Variants in CEMIP observed in about 807,000 individuals in gnomAD.
CEMIP encodes cell migration inducing hyaluronidase 1.
Under a neutral mutation model 156.9 loss-of-function variants are expected in CEMIP, and 105 were observed. The observed-to-expected ratio is 0.67, with a 90% CI of 0.57 to 0.79. CEMIP has a LOEUF of 0.79. Ranked by LOEUF, CEMIP falls within the 30% of genes least tolerant of loss-of-function variation. The pLI is 0.00. For missense variants in CEMIP, 1,457 were observed against 1,769.4 expected (o/e 0.82, Z 3.17); for synonymous variants, 676 against 668.4 (o/e 1.01, Z -0.17).
intron 29 of CEMIP, chr15:80,947,386 A>C (rs1596215757): frequency 2.9e-6 from 1 of 344,080 alleles, no homozygotes; most frequent in Non-Finnish European, 5.6e-6. Flanking sequence ...GCTTAGTCTC[A>C]CCCTCCTACC....
In CEMIP at chr15:80,906,547, T is replaced by A. The variant is rs1345499885; in HGVS notation, c.1412-116T>A. 3.9e-6 allele frequency: 4 copies of A among 1,015,916 alleles called. No individual in the cohort carries two copies. The highest frequency in any genetic ancestry group is 6.5e-4 in the Middle Eastern group (2 of 3,060). The allele number at this position is 1,015,916 out of a possible 1,614,324, so 62.9% of individuals were successfully genotyped here. A position where few individuals can be genotyped will look rare whatever the true frequency, so the allele number is the denominator to read the frequency against. On this transcript the variant is annotated intron_variant, in intron 12 of 29. Coordinates refer to ENST00000394685, the MANE Select transcript of CEMIP (RefSeq NM_001293298.2). The surrounding 1 kb of genome is among the most constrained non-coding windows in gnomAD (Gnocchi z 4.3). ...ATCCTTCTGTAACATGAGACCACTG[T>A]GCACACCAGGCATGGCGATGAGTAA...
At chr15:80,939,932 A>C (rs1901277414) in intron 25 of CEMIP, among the ~76,000 whole-genome samples, 1 of 152,180 alleles carries the variant, frequency 6.6e-6, no homozygotes, top group Non-Finnish European at 1.5e-5. Flanking sequence ...AGTCAGCTAA[A>C]AGGGAGGGGA....
chr15:80,830,166 G>T (rs377045060), intron 1 of CEMIP, among the ~76,000 whole-genome samples: 20 of 152,124 alleles, frequency 1.3e-4, no homozygotes, highest in African/African-American at 4.3e-4. Context: ...CTGATGGCTG[G>T]TCACTTTTAC....
At chr15:80,817,484 C>T (rs1159752356) in intron 1 of CEMIP, among the ~76,000 whole-genome samples, 3 of 151,760 alleles carry the variant, frequency 2.0e-5, no homozygotes, top group South Asian at 2.1e-4. Flanking sequence ...GCCTGTAGTC[C>T]CAGCTACTCA....
chr15:80,935,723 G>GTT (rs373495181), intron 23 of CEMIP, among the ~76,000 whole-genome samples: 4 of 151,812 alleles, frequency 2.6e-5, no homozygotes, highest in African/African-American at 9.7e-5. Context: ...AGGACATGGC[G>GTT]TTTTTTTTGT....
intron 23 of CEMIP, among the ~76,000 whole-genome samples, chr15:80,935,653 G>A (rs1027618538): frequency 6.6e-6 from 1 of 152,180 alleles, no homozygotes; most frequent in African/African-American, 2.4e-5. Flanking sequence ...TGGTGTGATT[G>A]TCTCTCTTGG....
intron 28 of CEMIP, chr15:80,946,505 G>A (rs1482920968): frequency 1.7e-5 from 3 of 178,400 alleles, no homozygotes; most frequent in Non-Finnish European, 3.6e-5. Context: ...GCTCCCCTCC[G>A]CCTTCCCGCA....
chr15:80,921,071 C>T lies in CEMIP; in HGVS notation c.2043C>T (p.Asn681=), dbSNP rs1434664138. The T allele has an allele frequency of 6.2e-7, 1 of 1,614,110 alleles. No homozygotes were observed. Among genetic ancestry groups the T allele is most frequent in the East Asian group, 2.2e-5 (1 of 44,894 alleles). Residue 681 remains asparagine, a synonymous_variant, in exon 16 of 30, where the codon AAC becomes AAT. Coordinates refer to ENST00000394685, the MANE Select transcript of CEMIP (RefSeq NM_001293298.2). ...STFWMANPNN[N]LINCAAAGSE... ...TCTGGATGGCCAATCCCAACAACAA[C>T]CTCATCAACTGTGCCGCTGCAGGAT...
intron 19 of CEMIP, among the ~76,000 whole-genome samples, chr15:80,926,823 G>GGC (rs1900694505): frequency 7.7e-6 from 1 of 129,556 alleles, no homozygotes; most frequent in East Asian, 2.5e-4. Flanking sequence ...AGCGGGTGGG[G>GGC]GGGGGGGGTC....
chr15:80,929,040 C>A lies in CEMIP; in HGVS notation c.2478C>A (p.Asp826Glu). 1 of 1,614,152 alleles carries A rather than the reference C, an allele frequency of 6.2e-7. No individual in the cohort carries two copies. The highest frequency in any genetic ancestry group is 2.2e-5 in the East Asian group (1 of 44,870). ...ACAGTGGTGGAACCTTCCCGTATGA[C>A]GACGGCTCCAAGCAAGAGATAAAGA... ...TLASGGTFPY[D>E]DGSKQEIKNS... Residue 826 changes from aspartate (D) to glutamate (E), a missense_variant, in exon 21 of 30, where the codon GAC (aspartate) becomes GAA (glutamate). Physicochemically the swap from Asp to Glu is conservative, Grantham distance 45. Coordinates refer to ENST00000394685, the MANE Select transcript of CEMIP (RefSeq NM_001293298.2).
Position 80,895,096 on chromosome 15 carries a change from G to A in CEMIP, c.1193G>A (p.Arg398His), listed in dbSNP as rs146211472. ...YDRGRACRSY[R>H]VRFLCGKPVR... Reference sequence around the variant, plus strand: ...CGGGGCAGAGCCTGCCGGAGCTACCGTGTACGGTTCCTCTGTGGGAAGCCT... The same window carrying A: ...CGGGGCAGAGCCTGCCGGAGCTACCATGTACGGTTCCTCTGTGGGAAGCCT... Residue 398 changes from arginine to histidine, a missense_variant, in exon 11 of 30, where the codon CGT becomes CAT. Around this residue, in one of 5 missense-constraint regions of CEMIP, gnomAD observed 280 missense variants for 300.3 expected, o/e 0.93. Transcript: ENST00000394685. 4.3e-5 allele frequency: 69 copies of A among 1,614,096 alleles called. 1 individual carries two copies. The highest frequency in any genetic ancestry group is 6.7e-5 in the African/African-American group (5 of 74,950).
intron 14 of CEMIP, among the ~76,000 whole-genome samples, chr15:80,917,835 A>G (rs531038836): frequency 3.5e-4 from 54 of 152,360 alleles, no homozygotes; most frequent in African/African-American, 1.2e-3. Flanking sequence ...CTCTAAAAAA[A>G]AATTAAAATT....
At chr15:80,856,922 G>A (rs369110050) in intron 1 of CEMIP, among the ~76,000 whole-genome samples, 2 of 152,164 alleles carry the variant, frequency 1.3e-5, no homozygotes, top group African/African-American at 4.8e-5. Context: ...ACAATGAGCC[G>A]GTGGCACCCA....
At chr15:80,928,688 CTA>C (rs1900787724) in intron 19 of CEMIP, among the ~76,000 whole-genome samples, 1 of 152,144 alleles carries the variant, frequency 6.6e-6, no homozygotes, top group African/African-American at 2.4e-5. Flanking sequence ...TGCTTTCTCT[CTA>C]GAGTCAGAGT....
intron 1 of CEMIP, among the ~76,000 whole-genome samples, chr15:80,839,289 A>AGTGTGTGTGTGTGTGTGT (rs34172431): frequency 0.013 from 1,670 of 131,138 alleles, 48 homozygotes; most frequent in African/African-American, 0.042. Context: ...CAAGGCCGTG[A>AGTGTGTGTGTGTGTGTGT]GTGTGTGTGT....
chr15:80,928,984 C>G (rs750766340), intron 20 of CEMIP, 35 bp from the exon 21 acceptor site: 1 of 1,614,224 alleles, frequency 6.2e-7, no homozygotes, highest in Non-Finnish European at 8.5e-7. Flanking sequence ...GATCTTGTCT[C>G]TGGGCATCTC....
intron 23 of CEMIP, among the ~76,000 whole-genome samples, chr15:80,936,348 G>A (rs147179319): frequency 6.2e-4 from 94 of 152,206 alleles, no homozygotes; most frequent in Non-Finnish European, 8.8e-4. Context: ...TTCCTCCTCC[G>A]TCCACATCTC....
chr15:80,804,852 G>T (rs1896472290), intron 1 of CEMIP, among the ~76,000 whole-genome samples: 1 of 152,128 alleles, frequency 6.6e-6, no homozygotes, highest in Admixed American at 6.5e-5. Context: ...GGGCCACATA[G>T]GAAAGGCTTT....
rs763699954 is a variant in CEMIP at position 80,884,155 on chromosome 15, CTT to C, written c.618-19_618-18del. ...GCTGCGGTCAAGACTATTCAGATCT[CTT>C]CTCTCTGCCCTTTTTAGGTTTGACA... On this transcript the variant is annotated intron_variant, in intron 6 of 29. Transcript: ENST00000394685. 1.4e-5 allele frequency: 22 copies of C among 1,613,750 alleles called. No individual in the cohort carries two copies. Among genetic ancestry groups the C allele is most frequent in the African/African-American group, 9.3e-5 (7 of 74,932 alleles).
Sources: allele counts gnomAD v4.1 joint callset (sites outside exome capture counted in the v4.1 genomes callset), GRCh38; gene constraint gnomAD v4.1.1; regional missense constraint gnomAD v4.1.1; non-coding constraint Gnocchi (gnomAD v3.1); transcripts MANE v1.5; gene names NCBI Gene and HGNC (gene_info 2026-07-23, HGNC 2026-07-21).